Variants in LOXHD1 observed in about 807,000 individuals in gnomAD.
The protein encoded by LOXHD1 is lipoxygenase homology PLAT domains 1.
A neutral mutation model predicts 248.2 loss-of-function variants in LOXHD1; 205 were observed. The ratio of observed to expected loss-of-function variants is 0.83; its 90% CI spans 0.74 to 0.93. The LOEUF (loss-of-function observed/expected upper bound fraction) is 0.93, where lower values mean the gene tolerates loss of function less well. LOXHD1 is among the 40% of genes least tolerant of loss of function. The pLI, the probability that LOXHD1 is intolerant of heterozygous loss-of-function variation, is 0.00. For synonymous variants in LOXHD1, 1,113 were observed against 1,162.8 expected (o/e 0.96, Z 0.87); for missense variants, 2,930 against 2,971.6 (o/e 0.99, Z 0.33).
At chr18:46,637,227 A>T (rs1009775877) in intron 4 of LOXHD1, among the ~76,000 whole-genome samples, 1 of 152,230 alleles carries the variant, frequency 6.6e-6, no homozygotes, top group East Asian at 1.9e-4. Context: ...CATTCTCTGG[A>T]ATCCAGCCTG....
chr18:46,645,706 C>T (rs2039020653), intron 2 of LOXHD1, among the ~76,000 whole-genome samples: 1 of 151,576 alleles, frequency 6.6e-6, no homozygotes, highest in African/African-American at 2.4e-5. Context: ...CACCAGACCA[C>T]AAAGGCAAAG....
intron 3 of LOXHD1, 84 bp downstream of exon 3, chr18:46,641,872 T>C: frequency 1.5e-6 from 2 of 1,349,608 alleles, no homozygotes; most frequent in Non-Finnish European, 2.1e-6. Context: ...TGGGAAGTAA[T>C]TCATACCCAG....
At chr18:46,612,667 A>G (rs2038525967) in intron 5 of LOXHD1, among the ~76,000 whole-genome samples, 1 of 152,124 alleles carries the variant, frequency 6.6e-6, no homozygotes, top group African/African-American at 2.4e-5. Flanking sequence ...AATTATTTAC[A>G]AAATCCCATC....
At chr18:46,494,976 C>A (rs1375176109) in intron 37 of LOXHD1, among the ~76,000 whole-genome samples, 1 of 151,324 alleles carries the variant, frequency 6.6e-6, no homozygotes, top group Non-Finnish European at 1.5e-5. Context: ...GCCTCAGACT[C>A]CCGAGTAGCT....
chr18:46,596,005 G>C (rs2038251657), intron 8 of LOXHD1, among the ~76,000 whole-genome samples: 1 of 152,022 alleles, frequency 6.6e-6, no homozygotes, highest in Admixed American at 6.5e-5. Flanking sequence ...AAAAGTTCTG[G>C]TTCTAGAAGG....
chr18:46,495,824 TAA>T (rs2033828052), intron 37 of LOXHD1, among the ~76,000 whole-genome samples: 1 of 152,130 alleles, frequency 6.6e-6, no homozygotes, highest in Non-Finnish European at 1.5e-5. Flanking sequence ...CTGTTCATTT[TAA>T]AAAGAGATCA....
intron 8 of LOXHD1, 115 bp downstream of exon 8, chr18:46,601,102 C>T: frequency 3.0e-6 from 4 of 1,341,542 alleles, no homozygotes; most frequent in Non-Finnish European, 4.0e-6. Flanking sequence ...AAAGAGATTG[C>T]CCATGCACTC....
At position 46,557,495 on chromosome 18, in the gene LOXHD1, A is replaced by C; in HGVS notation, c.3217-6T>G. The C allele has an allele frequency of 6.4e-7, 1 of 1,551,738 alleles. No homozygotes were observed. Among genetic ancestry groups the C allele is most frequent in the Non-Finnish European group, 8.7e-7 (1 of 1,147,022 alleles). Reference sequence around the variant, plus strand: ...TAGATGGTGAAGGTGTCTGTCTGGGAAGGGCCAGGGAACACTCAGTGGGGT... The same window carrying C: ...TAGATGGTGAAGGTGTCTGTCTGGGCAGGGCCAGGGAACACTCAGTGGGGT... On this transcript the variant is annotated splice_region_variant and splice_polypyrimidine_tract_variant and intron_variant, in intron 20 of 40. Coordinates refer to ENST00000642948, the MANE Select transcript of LOXHD1 (RefSeq NM_001384474.1).
At chr18:46,568,483 A>G (rs1049478633) in intron 16 of LOXHD1, among the ~76,000 whole-genome samples, 3 of 151,044 alleles carry the variant, frequency 2.0e-5, no homozygotes, top group African/African-American at 7.4e-5. Flanking sequence ...CCCTAGAGTG[A>G]CCCTAATCCC....
At chr18:46,501,152 C>A (rs1369000124) in intron 37 of LOXHD1, among the ~76,000 whole-genome samples, 2 of 152,174 alleles carry the variant, frequency 1.3e-5, no homozygotes, top group East Asian at 3.8e-4. Context: ...CATGTTCAAT[C>A]TTTGTGGATT....
intron 20 of LOXHD1, 99 bp downstream of exon 20, chr18:46,559,349 C>T: frequency 6.5e-7 from 1 of 1,549,018 alleles, no homozygotes; most frequent in Non-Finnish European, 8.7e-7. Context: ...GTCACACTGC[C>T]AAACACAGCA....
intron 12 of LOXHD1, among the ~76,000 whole-genome samples, chr18:46,587,393 C>T (rs571284395): frequency 2.0e-5 from 3 of 152,262 alleles, no homozygotes; most frequent in African/African-American, 4.8e-5. Flanking sequence ...TCAGGCAATT[C>T]CCAGAAGCAA....
chr18:46,510,330 C>G (rs575536303), intron 34 of LOXHD1, among the ~76,000 whole-genome samples: 1 of 152,354 alleles, frequency 6.6e-6, no homozygotes, highest in South Asian at 2.1e-4. Flanking sequence ...TTTCTATTTG[C>G]CATCTGCAAA....
intron 33 of LOXHD1, chr18:46,519,090 C>T (rs139789733): frequency 4.1e-6 from 4 of 985,534 alleles, no homozygotes; most frequent in East Asian, 1.1e-4. Context: ...GAGGCAGCCT[C>T]GTGGCAAGAG....
At chr18:46,651,814 C>A (rs2039115509) in intron 1 of LOXHD1, among the ~76,000 whole-genome samples, 1 of 152,110 alleles carries the variant, frequency 6.6e-6, no homozygotes, top group African/African-American at 2.4e-5. Flanking sequence ...GGGAACCACA[C>A]TATTTTTTCA....
intron 23 of LOXHD1, 60 bp downstream of exon 23, chr18:46,545,257 G>A: frequency 7.9e-7 from 1 of 1,267,826 alleles, no homozygotes; most frequent in Non-Finnish European, 1.1e-6. Flanking sequence ...TTTCTGCTGA[G>A]TCTTCTGGTC....
chr18:46,541,909 T>C lies in LOXHD1; in HGVS notation c.3780A>G (p.Val1260=), dbSNP rs2036577842. 1 of 1,551,704 alleles carries C rather than the reference T, an allele frequency of 6.4e-7. No homozygotes were observed. The highest frequency in any genetic ancestry group is 1.4e-5 in the African/African-American group (1 of 73,160). Residue 1260 remains valine (V), a synonymous_variant, in exon 25 of 41, where the codon GTA becomes GTG. Coordinates refer to ENST00000642948, the MANE Select transcript of LOXHD1 (RefSeq NM_001384474.1). ...GKAPGWFVDW[V]EVDAPSLGKC... Reference sequence around the variant, plus strand: ...TCCCAAGAGATGGGGCATCCACCTCTACCCAGTCTACAAACCAGCCTGGGG... The same window carrying C: ...TCCCAAGAGATGGGGCATCCACCTCCACCCAGTCTACAAACCAGCCTGGGG...
At chr18:46,559,967 C>T in intron 19 of LOXHD1, 116 bp downstream of exon 19, 1 of 1,088,056 alleles carries the variant, frequency 9.2e-7, no homozygotes, top group South Asian at 1.6e-5. Flanking sequence ...ATGATGGGTG[C>T]CCACCTATTT....
At chr18:46,605,250 G>T (rs916090472) in intron 6 of LOXHD1, among the ~76,000 whole-genome samples, 1 of 152,182 alleles carries the variant, frequency 6.6e-6, no homozygotes, top group Non-Finnish European at 1.5e-5. Flanking sequence ...GATTTTGGCT[G>T]GGCGTGGTGG....
Sources: allele counts gnomAD v4.1 joint callset (sites outside exome capture counted in the v4.1 genomes callset), GRCh38; gene constraint gnomAD v4.1.1; transcripts MANE v1.5; gene names NCBI Gene and HGNC (gene_info 2026-07-23, HGNC 2026-07-21).